The following MEIOC variants were observed in gnomAD, a reference collection of about 807,000 sequenced individuals.
The protein encoded by MEIOC is meiosis specific with coiled-coil domain, also known as meiosis-specific coiled-coil domain-containing protein MEIOC.
A neutral mutation model predicts 85.3 loss-of-function variants in MEIOC; 9 were observed. The ratio of observed to expected loss-of-function variants is 0.11; its 90% CI spans 0.06 to 0.18. MEIOC has a LOEUF of 0.18. MEIOC is among the 10% of genes least tolerant of loss of function. The pLI is 1.00. For missense variants in MEIOC, 898 were observed against 1,129.4 expected (o/e 0.80, Z 2.94); for synonymous variants, 365 against 393.7 (o/e 0.93, Z 0.86).
At chr17:44,664,464 A>G (rs1971880754) in intron 3 of MEIOC, among the ~76,000 whole-genome samples, 1 of 152,182 alleles carries the variant, frequency 6.6e-6, no homozygotes, top group African/African-American at 2.4e-5. Flanking sequence ...CCAAAATCCA[A>G]AACTTTTTGA....
At position 44,674,775 on chromosome 17, in the gene MEIOC, C is replaced by T; in HGVS notation, c.*579C>T. ...ATTTATAAATTTGGAATCTTAATGC[C>T]TAGGTATATGGAGGGAAATGCATCT... On this transcript the variant is annotated 3_prime_UTR_variant, in exon 8 of 8. Transcript: ENST00000409122. 1.0e-6 allele frequency: 1 copy of T among 981,238 alleles called. No homozygotes were observed. Among genetic ancestry groups the T allele is most frequent in the Non-Finnish European group, 1.2e-6 (1 of 826,232 alleles). 60.8% of individuals were successfully genotyped at this position (981,238 alleles called of 1,614,324 possible).
At chr17:44,676,751 G>T (rs1972081292), downstream of MEIOC, among the ~76,000 whole-genome samples, 6 of 152,152 alleles carry the variant, frequency 3.9e-5, no homozygotes, top group South Asian at 1.2e-3. Flanking sequence ...GAACCCGCAA[G>T]GTGGAGGTTG....
chr17:44,656,522 T>G lies in MEIOC; in HGVS notation c.-92T>G, dbSNP rs1028151250. 3 of 1,048,864 alleles carry G rather than the reference T, an allele frequency of 2.9e-6. No individual in the cohort carries two copies. 65.0% of individuals were successfully genotyped at this position (1,048,864 alleles called of 1,614,324 possible). A position where few individuals can be genotyped will look rare whatever the true frequency, so the allele number is the denominator to read the frequency against. ...GGAGGCGGCTGCGGAGACGGCGGGG[T>G]GCGGGCTGAGGGAGCCGGGCCTGGA... is the stretch of plus-strand genomic sequence containing the variant. On this transcript the variant is annotated 5_prime_UTR_variant, in exon 1 of 8. Coordinates refer to ENST00000409122, the MANE Select transcript of MEIOC (RefSeq NM_001145080.3).
rs1027616131 is a variant in MEIOC, at chr17:44,666,903, A to G, written c.992A>G (p.Tyr331Cys). 8 of 1,609,422 alleles carry G rather than the reference A, an allele frequency of 5.0e-6. No homozygotes were observed. In the East Asian group the frequency reaches 6.7e-5, roughly 13 times the overall value. ...GTAGATTATTGTAGATACCCAGAGT[A>G]TGTTCATCCTAATAAGGCTAAGCTT... Reference protein sequence around the residue: ...ENVDYCRYPEYVHPNKAKLNK... With the variant: ...ENVDYCRYPECVHPNKAKLNK... The change falls in exon 5 of 8, where the codon TAT becomes TGT. Residue 331 changes from tyrosine to cysteine, a missense_variant. Tyr to Cys is a radical substitution (Grantham distance 194). This residue lies in a region of MEIOC where 734 missense variants were observed against 860.1 expected (regional missense o/e 0.85). Coordinates refer to ENST00000409122, the MANE Select transcript of MEIOC (RefSeq NM_001145080.3).
intron 5 of MEIOC, 57 bp from the exon 6 acceptor site, chr17:44,669,326 C>A: frequency 7.3e-7 from 1 of 1,373,462 alleles, no homozygotes; most frequent in South Asian, 1.3e-5. Flanking sequence ...AACTATTATT[C>A]ATGGTCGAAT....
Position 44,674,636 on chromosome 17 carries a change from G to A in MEIOC, c.*440G>A. The A allele has an allele frequency of 1.0e-6, 1 of 987,286 alleles. No individual in the cohort carries two copies. The highest frequency in any genetic ancestry group is 1.2e-6 in the Non-Finnish European group (1 of 830,516). The allele number at this position is 987,286 out of a possible 1,614,324, so 61.2% of individuals were successfully genotyped here. A position where few individuals can be genotyped will look rare whatever the true frequency, so the allele number is the denominator to read the frequency against. ...CTAGTAACCAAGACAAGTTTTGATT[G>A]TGATATCAAAGTGTTTTCCTTACAA... is the stretch of plus-strand genomic sequence containing the variant. On this transcript the variant is annotated 3_prime_UTR_variant, in exon 8 of 8. Coordinates refer to ENST00000409122, the MANE Select transcript of MEIOC (RefSeq NM_001145080.3).
chr17:44,670,262 C>CAAAAAAAAAAAAAAAAAAAAAAAA (rs372859968), intron 6 of MEIOC: 1 of 106,530 alleles, frequency 9.4e-6, no homozygotes. Context: ...GATCTTGTCT[C>CAAAAAAAAAAAAAAAAAAAAAAAA]AAAAAAAAAA....
chr17:44,656,983 G>A, intron 1 of MEIOC, 144 bp from the exon 2 acceptor site: 1 of 988,866 alleles, frequency 1.0e-6, no homozygotes, highest in Non-Finnish European at 1.4e-6. Flanking sequence ...CCCGAGGCTG[G>A]AAGCGCGGGC....
At chr17:44,672,727 A>C (rs1972030679) in intron 6 of MEIOC, among the ~76,000 whole-genome samples, 2 of 152,224 alleles carry the variant, frequency 1.3e-5, no homozygotes, top group African/African-American at 4.8e-5. Flanking sequence ...CTAATATATC[A>C]GTGCCCTTTT....
intron 3 of MEIOC, among the ~76,000 whole-genome samples, chr17:44,663,720 G>GAATTT (rs1491327129): frequency 1.3e-5 from 2 of 152,010 alleles, no homozygotes; most frequent in Non-Finnish European, 2.9e-5. Context: ...ATATTACATT[G>GAATTT]AATTTTTTTT....
chr17:44,674,549 CTTAG>C lies in MEIOC; in HGVS notation c.*357_*360del. The C allele has an allele frequency of 9.8e-7, 1 of 1,018,122 alleles. No homozygotes were observed. The highest frequency in any genetic ancestry group is 1.2e-6 in the Non-Finnish European group (1 of 849,136). The allele number at this position is 1,018,122 out of a possible 1,614,324, so 63.1% of individuals were successfully genotyped here. ...GGAGATAAATTTCATTTAGGTTTGT[CTTAG>C]TTAAGTATAATTCCAAATAATGAAT... On this transcript the variant is annotated 3_prime_UTR_variant, in exon 8 of 8. Coordinates refer to ENST00000409122, the MANE Select transcript of MEIOC (RefSeq NM_001145080.3).
At chr17:44,672,379 T>C (rs1330858304) in intron 6 of MEIOC, among the ~76,000 whole-genome samples, 2 of 152,196 alleles carry the variant, frequency 1.3e-5, no homozygotes, top group Admixed American at 1.3e-4. Flanking sequence ...TTGTGTGTGT[T>C]TTGTTTTCCC....
intron 2 of MEIOC, among the ~76,000 whole-genome samples, chr17:44,657,856 T>C (rs1016256026): frequency 7.0e-6 from 1 of 143,250 alleles, no homozygotes; most frequent in Non-Finnish European, 1.5e-5. Context: ...TCCAGCCGTT[T>C]TGTTTTGTTT....
In MEIOC at chr17:44,666,810, T is replaced by G; in HGVS notation, c.899T>G (p.Leu300Arg). ...YGRDRICTKG[L>R]EAPLQQKRAE... The stretch of plus-strand genomic sequence containing the variant: ...AGAGACAGAATATGTACTAAAGGTC[T>G]TGAAGCACCACTACAGCAAAAAAGG... Residue 300 changes from leucine to arginine, a missense_variant, in exon 5 of 8, where the codon CTT becomes CGT. Coordinates refer to ENST00000409122, the MANE Select transcript of MEIOC (RefSeq NM_001145080.3). 1 of 1,613,362 alleles carries G rather than the reference T, an allele frequency of 6.2e-7. No homozygotes were observed. The highest frequency in any genetic ancestry group is 1.1e-5 in the South Asian group (1 of 90,990).
Position 44,667,783 on chromosome 17 carries a change from G to A in MEIOC, c.1872G>A (p.Lys624=), listed in dbSNP as rs758213867. ...ATTATGATCCTGAGGAAGGTCCAAA[G>A]CATTTAGATGGCTTATCACAAAATA... The part of the protein sequence containing the change: ...SGHYDPEEGP[K]HLDGLSQNTY... Residue 624 remains lysine, a synonymous_variant, in exon 5 of 8, where the codon AAG becomes AAA. Coordinates refer to ENST00000409122, the MANE Select transcript of MEIOC (RefSeq NM_001145080.3). 2.5e-6 allele frequency: 4 copies of A among 1,613,930 alleles called. No homozygotes were observed. The highest frequency in any genetic ancestry group is 3.4e-6 in the Non-Finnish European group (4 of 1,179,856).
chr17:44,672,013 CTTTTT>C (rs1568136105), intron 6 of MEIOC, among the ~76,000 whole-genome samples: 1 of 151,728 alleles, frequency 6.6e-6, no homozygotes, highest in Non-Finnish European at 1.5e-5. Context: ...AGACTTTTCT[CTTTTT>C]TTGAGATGGA....
chr17:44,664,682 A>G (rs1412439694), intron 3 of MEIOC, among the ~76,000 whole-genome samples: 1 of 152,192 alleles, frequency 6.6e-6, no homozygotes, highest in East Asian at 1.9e-4. Flanking sequence ...TCAAGGAAGA[A>G]ATTACCCAAA....
rs1177805098 is a variant in MEIOC, at chr17:44,657,274, ACT to A, written c.204+16_204+17del. ...CTACACATCGCAGGTCCTTTAGTAAACTCTGCCTCTGTTAGACGATTTATTCT... is the reference window on the plus strand; with the variant it reads ...CTACACATCGCAGGTCCTTTAGTAAACTGCCTCTGTTAGACGATTTATTCT... On this transcript the variant is annotated intron_variant, in intron 2 of 7. Coordinates refer to ENST00000409122, the MANE Select transcript of MEIOC (RefSeq NM_001145080.3). 44 of 1,547,022 alleles carry A rather than the reference ACT, an allele frequency of 2.8e-5. No individual in the cohort carries two copies. Among genetic ancestry groups the A allele is most frequent in the Middle Eastern group, 3.3e-4 (2 of 5,972 alleles).
At chr17:44,677,046 A>G, downstream of MEIOC, 1 of 712,340 alleles carries the variant, frequency 1.4e-6, no homozygotes, top group Non-Finnish European at 1.7e-6. Flanking sequence ...CCTTCAGGGG[A>G]CCGTGGATAT....
Sources: gnomAD v4.1 joint callset for allele counts (sites outside exome capture counted in the v4.1 genomes callset) on GRCh38, gnomAD v4.1.1 for gene constraint, gnomAD v4.1.1 regional missense constraint, MANE v1.5 for transcripts, NCBI Gene and HGNC (gene_info 2026-07-23, HGNC 2026-07-21) for gene names.